Variants in PCDH15 observed in about 807,000 individuals in gnomAD.
PCDH15 encodes protocadherin-15.
Under a neutral mutation model 178.5 loss-of-function variants are expected in PCDH15, and 129 were observed. The ratio of observed to expected loss-of-function variants is 0.72; its 90% CI spans 0.63 to 0.84. The LOEUF is 0.84. PCDH15 is among the 40% of genes least tolerant of loss of function. The pLI is 0.00. For missense variants in PCDH15, 2,230 were observed against 2,099.9 expected (o/e 1.06, Z -1.21); for synonymous variants, 800 against 732.0 (o/e 1.09, Z -1.50).
intron 4 of PCDH15, among the ~76,000 whole-genome samples, chr10:54,375,574 T>C (rs1157762447): frequency 6.6e-6 from 1 of 151,830 alleles, no homozygotes; most frequent in Non-Finnish European, 1.5e-5. Flanking sequence ...TTGATTAAAA[T>C]CAGAATATTC....
intron 2 of PCDH15, among the ~76,000 whole-genome samples, chr10:54,900,211 C>T (rs984084839): frequency 5.3e-5 from 8 of 152,156 alleles, no homozygotes; most frequent in African/African-American, 7.2e-5. Context: ...TCTTTTACTT[C>T]GGCACTTACT....
At chr10:55,592,663 T>C (rs1356319760) in intron 2 of PCDH15, among the ~76,000 whole-genome samples, 2 of 152,128 alleles carry the variant, frequency 1.3e-5, no homozygotes, top group Non-Finnish European at 2.9e-5. Flanking sequence ...ACCTAAAATA[T>C]CTAGAAATTT....
intron 2 of PCDH15, chr10:54,599,765 A>T: frequency 2.0e-6 from 1 of 509,472 alleles, no homozygotes; most frequent in Non-Finnish European, 3.7e-6. Context: ...GATGAGGGTG[A>T]TAAGTTAGAC....
At chr10:54,388,232 G>T (rs371848714) in intron 3 of PCDH15, among the ~76,000 whole-genome samples, 1 of 152,088 alleles carries the variant, frequency 6.6e-6, no homozygotes, top group African/African-American at 2.4e-5. Context: ...CAGCATGAAG[G>T]GTCCAAAAAT....
chr10:55,587,426 G>A (rs559976347), intron 2 of PCDH15, among the ~76,000 whole-genome samples: 2 of 60,436 alleles, frequency 3.3e-5, no homozygotes, highest in Non-Finnish European at 5.1e-5. Flanking sequence ...GCACTGGTAC[G>A]GAAAAATATA....
rs189886464 is a variant in PCDH15 at position 54,694,088 on chromosome 10, G to T, written c.-28-29798C>A. On this transcript the variant is annotated intron_variant, in intron 1 of 37. Transcript: ENST00000644397. ...GGTAATTCCAGAATGAAAATAAAAT[G>T]ATGTACATACATCATTTAGTATATT... Among the ~76,000 whole-genome samples, 6 of 152,124 alleles carry T rather than the reference G, an allele frequency of 3.9e-5. No individual in the cohort carries two copies. In the East Asian group the frequency reaches 1.2e-3, roughly 29 times the overall value.
chr10:53,980,567 G>T (rs1011034235), intron 21 of PCDH15, among the ~76,000 whole-genome samples: 1 of 152,100 alleles, frequency 6.6e-6, no homozygotes, highest in Non-Finnish European at 1.5e-5. Context: ...CCATCACTCT[G>T]GAAGTGAGGA....
rs11377394 is a variant in PCDH15, at chr10:54,200,269, C to CTTTT, written c.1099-4384_1099-4381dup. On this transcript the variant is annotated intron_variant, in intron 10 of 37. Transcript: ENST00000644397. ...ATTTATTGTGCATCTACAGAGCCCACTTTTTTTTTTTTTTTTTTTTTGTAT... is the reference window on the plus strand; with the variant it reads ...ATTTATTGTGCATCTACAGAGCCCACTTTTTTTTTTTTTTTTTTTTTTTTTGTAT... Among the ~76,000 whole-genome samples, 396 of 106,036 alleles carry CTTTT rather than the reference C, an allele frequency of 3.7e-3. 9 individuals carry two copies. The highest frequency in any genetic ancestry group is 0.012 in the African/African-American group (334 of 27,444). The allele number at this position is 106,036 out of a possible 152,430, so 69.6% of individuals were successfully genotyped here. A position where few individuals can be genotyped will look rare whatever the true frequency, so the allele number is the denominator to read the frequency against.
At chr10:54,582,172 T>C (rs1384182420) in intron 2 of PCDH15, among the ~76,000 whole-genome samples, 1 of 152,008 alleles carries the variant, frequency 6.6e-6, no homozygotes, top group Non-Finnish European at 1.5e-5. Flanking sequence ...AAAATATTTG[T>C]GAATTCTGCA....
chr10:55,467,413 T>A (rs1211306826), intron 2 of PCDH15, among the ~76,000 whole-genome samples: 1 of 148,422 alleles, frequency 6.7e-6, no homozygotes, highest in Non-Finnish European at 1.5e-5. Context: ...ATTGCCCTGG[T>A]TGGAGATTTA....
At chr10:54,273,159 C>G (rs1564837318) in intron 8 of PCDH15, among the ~76,000 whole-genome samples, 2 of 151,866 alleles carry the variant, frequency 1.3e-5, no homozygotes, top group African/African-American at 4.8e-5. Context: ...TGAACTTAAA[C>G]AGAAGCTTGC....
At chr10:54,083,284 AC>A (rs754770215) in intron 16 of PCDH15, among the ~76,000 whole-genome samples, 5 of 152,216 alleles carry the variant, frequency 3.3e-5, no homozygotes, top group Non-Finnish European at 5.9e-5. Context: ...TTCAGTATAT[AC>A]TTAAAAAAGC....
chr10:54,875,172 T>C (rs1591757464), intron 3 of PCDH15, among the ~76,000 whole-genome samples: 2 of 152,216 alleles, frequency 1.3e-5, no homozygotes, highest in East Asian at 3.9e-4. Context: ...TTTCAAACTT[T>C]GATCATTGTG....
At chr10:55,356,981 A>T (rs1331580411) in intron 2 of PCDH15, among the ~76,000 whole-genome samples, 2 of 151,984 alleles carry the variant, frequency 1.3e-5, no homozygotes, top group Non-Finnish European at 2.9e-5. Flanking sequence ...AGGCAATTTA[A>T]AAATGAGGAA....
intron 2 of PCDH15, among the ~76,000 whole-genome samples, chr10:55,537,234 A>G (rs955069544): frequency 1.3e-5 from 2 of 152,150 alleles, no homozygotes; most frequent in African/African-American, 4.8e-5. Context: ...ACGTATCCCT[A>G]ATATGTTTTC....
At chr10:54,501,169 C>T (rs1286290426) in intron 3 of PCDH15, among the ~76,000 whole-genome samples, 4 of 151,126 alleles carry the variant, frequency 2.6e-5, no homozygotes, top group South Asian at 2.1e-4. Flanking sequence ...ACTACCATGG[C>T]GCATGTATAC....
chr10:55,407,210 G>T (rs575427124), intron 2 of PCDH15, among the ~76,000 whole-genome samples: 64 of 152,096 alleles, frequency 4.2e-4, no homozygotes, highest in African/African-American at 1.5e-3. Flanking sequence ...ATTGGTCGAG[G>T]GAATACCTCC....
At chr10:55,171,874 A>T (rs1403285340) in intron 1 of PCDH15, among the ~76,000 whole-genome samples, 1 of 151,794 alleles carries the variant, frequency 6.6e-6, no homozygotes, top group African/African-American at 2.4e-5. Flanking sequence ...GATGTACGCC[A>T]AACAATGTTC....
rs1589948362 is a variant in PCDH15 at position 54,020,070 on chromosome 10, G to T, written c.2751+122C>A. ...TTTCCATTGGAAAATCTATGTTATGGGTCTGGTACCACTGTGTCATTAGGA... is the reference window on the plus strand; with the variant it reads ...TTTCCATTGGAAAATCTATGTTATGTGTCTGGTACCACTGTGTCATTAGGA... On this transcript the variant is annotated intron_variant, in intron 20 of 37. Transcript: ENST00000644397. 5.2e-6 allele frequency: 4 copies of T among 775,988 alleles called. No homozygotes were observed. The African/African-American group carries it at 5.2e-5, about 10-fold the overall frequency. 48.1% of individuals were successfully genotyped at this position (775,988 alleles called of 1,614,324 possible).
Sources: gnomAD v4.1 joint callset for allele counts (sites outside exome capture counted in the v4.1 genomes callset) on GRCh38, gnomAD v4.1.1 for gene constraint, MANE v1.5 for transcripts, NCBI Gene and HGNC (gene_info 2026-07-23, HGNC 2026-07-21) for gene names.